Variants in CNTN3 observed in about 807,000 individuals in gnomAD.
CNTN3 encodes contactin 3.
CNTN3 carries 60 observed loss-of-function variants against 119.1 expected under a neutral mutation model. The ratio of observed to expected loss-of-function variants is 0.50; its 90% CI spans 0.41 to 0.62. CNTN3 has a LOEUF of 0.62. CNTN3 is among the 20% of genes least tolerant of loss of function. The probability of loss-of-function intolerance (pLI) is 0.00; values close to 1 mark genes in which losing one functional copy is unlikely to be tolerated. For synonymous variants in CNTN3, 450 were observed against 438.7 expected (o/e 1.03, Z -0.32); for missense variants, 1,101 against 1,242.4 (o/e 0.89, Z 1.71).
chr3:74,305,248 G>C (rs961496457), intron 13 of CNTN3, among the ~76,000 whole-genome samples: 3 of 151,920 alleles, frequency 2.0e-5, no homozygotes, highest in African/African-American at 7.3e-5. Flanking sequence ...CAAAATGAAA[G>C]AGACAGACAC....
Position 74,335,343 on chromosome 3 carries a change from A to C in CNTN3, c.1493-433T>G, listed in dbSNP as rs565288027. Among the ~76,000 whole-genome samples the C allele has an allele frequency of 4.6e-5, 7 of 152,286 alleles. 1 individual carries two copies. The South Asian group carries it at 1.5e-3, about 32-fold the overall frequency. ...TTTAATGGTAGCCTGGATTTGAAAGATATAATACAAAAGATGCTAGAATAG... is the reference window on the plus strand; with the variant it reads ...TTTAATGGTAGCCTGGATTTGAAAGCTATAATACAAAAGATGCTAGAATAG... On this transcript the variant is annotated intron_variant, in intron 12 of 22. Coordinates refer to ENST00000263665, the MANE Select transcript of CNTN3 (RefSeq NM_020872.3).
At chr3:74,274,755 C>A (rs557041296) in intron 20 of CNTN3, among the ~76,000 whole-genome samples, 2 of 152,146 alleles carry the variant, frequency 1.3e-5, no homozygotes, top group South Asian at 2.1e-4. Flanking sequence ...TCTTTAACAA[C>A]CCCCAAAAAT....
At position 74,371,250 on chromosome 3, in the gene CNTN3, C is replaced by A. The variant is rs1559568385; in HGVS notation, c.604G>T (p.Val202Leu). The change falls in exon 6 of 23, where the codon GTG (valine) becomes TTG (leucine). Residue 202 changes from valine (V) to leucine (L), a missense_variant. Physicochemically the swap from Val to Leu is conservative, Grantham distance 32 (BLOSUM62 1). Coordinates refer to ENST00000263665, the MANE Select transcript of CNTN3 (RefSeq NM_020872.3). ...GNYTCVVTSM[V>L]TNARVLGSPT... ...GAGCCCAGCACTCGGGCATTTGTCA[C>A]CATACTTGTCACCACACATGTGTAA... 3 of 1,613,390 alleles carry A rather than the reference C, an allele frequency of 1.9e-6. No individual in the cohort carries two copies. The highest frequency in any genetic ancestry group is 2.5e-6 in the Non-Finnish European group (3 of 1,179,686).
intron 11 of CNTN3, among the ~76,000 whole-genome samples, chr3:74,337,101 G>A (rs1278407133): frequency 2.0e-5 from 3 of 152,094 alleles, no homozygotes; most frequent in Non-Finnish European, 4.4e-5. Context: ...GAAGCTGCAT[G>A]TCTTTTACTA....
chr3:74,494,987 T>C (rs1219188937), intron 3 of CNTN3, among the ~76,000 whole-genome samples: 2 of 152,084 alleles, frequency 1.3e-5, no homozygotes, highest in Non-Finnish European at 2.9e-5. Context: ...CAAGTTTAAG[T>C]TGCCCAGTAA....
At chr3:74,530,373 C>T (rs758709648) in intron 1 of CNTN3, among the ~76,000 whole-genome samples, 1 of 151,864 alleles carries the variant, frequency 6.6e-6, no homozygotes, top group Non-Finnish European at 1.5e-5. Flanking sequence ...TCACTCACAT[C>T]AGAGTTGTCC....
chr3:74,486,345 T>A, intron 4 of CNTN3, 111 bp downstream of exon 4: 1 of 929,860 alleles, frequency 1.1e-6, no homozygotes. Context: ...CTCAGTCTAT[T>A]TACTGAATTA....
chr3:74,397,207 C>G (rs575228265), intron 5 of CNTN3, among the ~76,000 whole-genome samples: 1 of 152,050 alleles, frequency 6.6e-6, no homozygotes, highest in Non-Finnish European at 1.5e-5. Flanking sequence ...AATGGAAGAA[C>G]AAAACATGGG....
At chr3:74,382,348 C>A (rs2106813159) in intron 5 of CNTN3, among the ~76,000 whole-genome samples, 2 of 152,242 alleles carry the variant, frequency 1.3e-5, no homozygotes, top group East Asian at 3.9e-4. Context: ...TCAACTAGCT[C>A]ACATACTTAT....
chr3:74,421,147 C>T (rs1033084917), intron 5 of CNTN3, among the ~76,000 whole-genome samples: 25 of 152,096 alleles, frequency 1.6e-4, no homozygotes, highest in African/African-American at 6.0e-4. Context: ...CAGAGGCTAA[C>T]ACTACTATGA....
intron 13 of CNTN3, among the ~76,000 whole-genome samples, chr3:74,314,809 C>T (rs2106650204): frequency 6.6e-6 from 1 of 152,282 alleles, no homozygotes; most frequent in South Asian, 2.1e-4. Flanking sequence ...ATATAATGGA[C>T]ATCTATAGAC....
intron 20 of CNTN3, among the ~76,000 whole-genome samples, chr3:74,283,119 G>T (rs1317796846): frequency 6.6e-6 from 1 of 152,042 alleles, no homozygotes; most frequent in African/African-American, 2.4e-5. Context: ...AATAAATAAA[G>T]GTATTAAATG....
In CNTN3 at chr3:74,369,190, ATAGT is replaced by A; in HGVS notation, c.941_944del (p.Tyr314LeufsTer10). On this transcript the variant is annotated frameshift_variant and splice_region_variant, in exon 8 of 23. Coordinates refer to ENST00000263665, the MANE Select transcript of CNTN3 (RefSeq NM_020872.3). LOFTEE classifies it high-confidence loss of function. The stretch of plus-strand genomic sequence containing the variant: ...AATTTGCCCAAAGCAGATGCTCACC[ATAGT>A]AAGTGAGACGCCCTCTGGCAACATT... The A allele has an allele frequency of 6.3e-7, 1 of 1,593,382 alleles. No individual in the cohort carries two copies. Among genetic ancestry groups the A allele is most frequent in the Non-Finnish European group, 8.5e-7 (1 of 1,170,870 alleles).
intron 5 of CNTN3, among the ~76,000 whole-genome samples, chr3:74,422,970 C>A (rs1173249679): frequency 6.6e-6 from 1 of 151,918 alleles, no homozygotes; most frequent in Non-Finnish European, 1.5e-5. Context: ...GAATCAGGAG[C>A]CATAGAGAAA....
At chr3:74,285,239 G>A in intron 20 of CNTN3, 66 bp downstream of exon 20, 2 of 1,459,550 alleles carry the variant, frequency 1.4e-6, no homozygotes, top group South Asian at 1.3e-5. Context: ...TCAAATAATA[G>A]AGAAGGCTAT....
At chr3:74,305,895 C>A (rs1486708496) in intron 13 of CNTN3, among the ~76,000 whole-genome samples, 2 of 151,472 alleles carry the variant, frequency 1.3e-5, no homozygotes, top group African/African-American at 2.4e-5. Context: ...ACAACTATAC[C>A]CCTAAATGCT....
At chr3:74,318,167 A>C (rs1702882654) in intron 13 of CNTN3, among the ~76,000 whole-genome samples, 1 of 152,080 alleles carries the variant, frequency 6.6e-6, no homozygotes, top group South Asian at 2.1e-4. Flanking sequence ...CGTAGTTCTC[A>C]AGCCTTGGCT....
intron 19 of CNTN3, among the ~76,000 whole-genome samples, chr3:74,285,879 C>G (rs1339477272): frequency 1.5e-5 from 2 of 134,580 alleles, no homozygotes; most frequent in Non-Finnish European, 3.1e-5. Flanking sequence ...TTAATATTGC[C>G]AATTTTCTGT....
chr3:74,365,741 C>A (rs374481543), intron 8 of CNTN3, 39 bp from the exon 9 acceptor site: 1 of 1,586,034 alleles, frequency 6.3e-7, no homozygotes, highest in Non-Finnish European at 8.6e-7. Flanking sequence ...GAAATTTAAA[C>A]CACCCAGCAA....
Sources: allele counts gnomAD v4.1 joint callset (sites outside exome capture counted in the v4.1 genomes callset), GRCh38; gene constraint gnomAD v4.1.1; transcripts MANE v1.5; gene names NCBI Gene and HGNC (gene_info 2026-07-23, HGNC 2026-07-21).